TLL2: variants seen among roughly 807,000 people sequenced by gnomAD.
The protein encoded by TLL2 is tolloid like 2, also known as tolloid-like protein 2.
Under a neutral mutation model 123.0 loss-of-function variants are expected in TLL2, and 106 were observed. That is an observed-to-expected ratio of 0.86 (90% CI 0.74 to 1.01). The LOEUF (loss-of-function observed/expected upper bound fraction) is 1.01. TLL2 is among the 50% of genes least tolerant of loss of function. The probability of loss-of-function intolerance (pLI) is 0.00; values close to 1 mark genes in which losing one functional copy is unlikely to be tolerated. For missense variants in TLL2, 1,332 were observed against 1,336.7 expected, an observed-to-expected ratio of 1.00 and a Z score of 0.06; for synonymous variants, 494 against 516.8, an observed-to-expected ratio of 0.96 and a Z score of 0.60.
chr10:96,470,206 T>C (rs991090562), intron 2 of TLL2, among the ~76,000 whole-genome samples: 2 of 152,316 alleles, frequency 1.3e-5, no homozygotes, highest in South Asian at 2.1e-4. Context: ...CCTGCCCAGC[T>C]CCATCCCTGA....
At chr10:96,373,474 C>T (rs1019708552) in intron 19 of TLL2, 122 bp downstream of exon 19, 3 of 902,984 alleles carry the variant, frequency 3.3e-6, no homozygotes, top group African/African-American at 3.3e-5. Flanking sequence ...TTTTATCACG[C>T]ACCTTCCTCC....
chr10:96,369,292 A>G (rs1564891728), intron 20 of TLL2, among the ~76,000 whole-genome samples: 2 of 152,222 alleles, frequency 1.3e-5, no homozygotes, highest in Non-Finnish European at 2.9e-5. Context: ...CAATAGGCCC[A>G]CTAAAGAAAT....
intron 1 of TLL2, among the ~76,000 whole-genome samples, chr10:96,496,306 A>G (rs1847474557): frequency 6.6e-6 from 1 of 152,190 alleles, no homozygotes; most frequent in African/African-American, 2.4e-5. Flanking sequence ...GTTGAGACCT[A>G]TTTGCCACCT....
At chr10:96,486,830 C>T (rs1435774395) in intron 1 of TLL2, among the ~76,000 whole-genome samples, 1 of 152,174 alleles carries the variant, frequency 6.6e-6, no homozygotes, top group African/African-American at 2.4e-5. Flanking sequence ...TCTGCAGCAG[C>T]CCCTTCCCAA....
chr10:96,470,899 C>T (rs779133739), intron 2 of TLL2, among the ~76,000 whole-genome samples: 2 of 152,238 alleles, frequency 1.3e-5, no homozygotes, highest in African/African-American at 2.4e-5. Context: ...CATTCTTTCA[C>T]TGTTACTACT....
intron 16 of TLL2, among the ~76,000 whole-genome samples, chr10:96,384,267 C>T (rs1273361735): frequency 2.0e-5 from 3 of 152,168 alleles, no homozygotes; most frequent in African/African-American, 7.2e-5. Context: ...AGGGATTCTA[C>T]CCTAGAACTT....
chr10:96,420,639 C>G (rs1163583955), intron 7 of TLL2, among the ~76,000 whole-genome samples: 1 of 152,208 alleles, frequency 6.6e-6, no homozygotes, highest in African/African-American at 2.4e-5. Context: ...AGACTCCCCC[C>G]ACCCACTGGA....
chr10:96,387,213 G>C (rs1380429810), intron 13 of TLL2, 135 bp from the exon 14 acceptor site: 6 of 1,281,168 alleles, frequency 4.7e-6, no homozygotes, highest in South Asian at 1.4e-5. Flanking sequence ...ACCTCCCAAA[G>C]AGTGCCATGT....
At chr10:96,413,348 AG>A (rs1300047343) in intron 7 of TLL2, 32 bp from the exon 8 acceptor site, 1 of 1,605,346 alleles carries the variant, frequency 6.2e-7, no homozygotes, top group South Asian at 1.1e-5. Flanking sequence ...GAAAAAGAAA[AG>A]TCAAGGCCAT....
At chr10:96,507,196 T>C (rs1267065193) in intron 1 of TLL2, among the ~76,000 whole-genome samples, 1 of 152,000 alleles carries the variant, frequency 6.6e-6, no homozygotes, top group African/African-American at 2.4e-5. Context: ...TGGCATTGGA[T>C]GGCCACACAC....
chr10:96,424,655 C>G (rs923395344), intron 5 of TLL2, among the ~76,000 whole-genome samples: 12 of 152,018 alleles, frequency 7.9e-5, no homozygotes, highest in African/African-American at 2.2e-4. Flanking sequence ...TTGGGTTGTC[C>G]ATTTTTTTAT....
At chr10:96,496,898 A>G (rs1045301709) in intron 1 of TLL2, among the ~76,000 whole-genome samples, 12 of 152,196 alleles carry the variant, frequency 7.9e-5, no homozygotes, top group Admixed American at 7.2e-4. Context: ...GCCACGATCA[A>G]TTAGTAATAT....
intron 11 of TLL2, 97 bp from the exon 12 acceptor site, chr10:96,396,117 C>G: frequency 7.0e-7 from 1 of 1,435,812 alleles, no homozygotes; most frequent in Non-Finnish European, 9.4e-7. Context: ...CGCTTGCCAC[C>G]ACTAGGTGGC....
At chr10:96,375,640 C>G in intron 18 of TLL2, among the ~76,000 whole-genome samples, 1 of 152,222 alleles carries the variant, frequency 6.6e-6, no homozygotes, top group Non-Finnish European at 1.5e-5. Context: ...AGCATGTGAA[C>G]TGCCCGCTGG....
rs144455801 is a variant in TLL2 at position 96,370,176 on chromosome 10, T to A, written c.2802A>T (p.Thr934=). Reference sequence around the variant, plus strand: ...CCTCCTCAACCTCAAAGGTCCGGAATGTCAGCTCCACGCCGTAGCCGTCCT... The same window carrying A: ...CCTCCTCAACCTCAAAGGTCCGGAAAGTCAGCTCCACGCCGTAGCCGTCCT... ...VAEDGYGVEL[T]FRTFEVEEEA... The change falls in exon 20 of 21, where the codon ACA becomes ACT. Residue 934 remains threonine (T), a synonymous_variant. Coordinates refer to ENST00000357947, the MANE Select transcript of TLL2 (RefSeq NM_012465.4). The A allele has an allele frequency of 1.8e-5, 29 of 1,614,024 alleles. 1 individual carries two copies. The African/African-American group carries it at 3.1e-4, about 17-fold the overall frequency.
At chr10:96,412,612 T>C (rs1192450672) in intron 8 of TLL2, among the ~76,000 whole-genome samples, 1 of 152,162 alleles carries the variant, frequency 6.6e-6, no homozygotes, top group Non-Finnish European at 1.5e-5. Context: ...AATCCCAGTA[T>C]TGTCCCATCT....
rs1846044819 is a variant in TLL2 at position 96,367,977 on chromosome 10, T to A, written c.*111A>T. ...TAAGGCTGGATTCTGAGTTTTTGTT[T>A]GAGAAAAATACTGTACACTGTTTTA... On this transcript the variant is annotated 3_prime_UTR_variant, in exon 21 of 21. Coordinates refer to ENST00000357947, the MANE Select transcript of TLL2 (RefSeq NM_012465.4). 7.4e-7 allele frequency: 1 copy of A among 1,348,080 alleles called. No homozygotes were observed. Among genetic ancestry groups the A allele is most frequent in the Non-Finnish European group, 1.0e-6 (1 of 1,001,174 alleles). The allele number at this position is 1,348,080 out of a possible 1,614,324, so 83.5% of individuals were successfully genotyped here.
chr10:96,470,778 C>A (rs984938580), intron 2 of TLL2, among the ~76,000 whole-genome samples: 18 of 152,194 alleles, frequency 1.2e-4, no homozygotes, highest in Admixed American at 3.9e-4. Flanking sequence ...CATTTCCACA[C>A]CTACACGTAC....
At position 96,401,526 on chromosome 10, in the gene TLL2, G is replaced by GCACA. The variant is rs71486795; in HGVS notation, c.1267+3702_1267+3705dup. Among the ~76,000 whole-genome samples, 557 of 137,160 alleles carry GCACA rather than the reference G, an allele frequency of 4.1e-3. 5 individuals carry two copies. The highest frequency in any genetic ancestry group is 0.015 in the African/African-American group (523 of 35,876). 90.0% of individuals were successfully genotyped at this position (137,160 alleles called of 152,430 possible). A position where few individuals can be genotyped will look rare whatever the true frequency, so the allele number is the denominator to read the frequency against. On this transcript the variant is annotated intron_variant, in intron 10 of 20. Transcript: ENST00000357947. ...TCTACACACACACACACACACACAC[G>GCACA]CACACACACAGTTAAAGTGGGTAAA... is the stretch of plus-strand genomic sequence containing the variant.
Sources: gnomAD v4.1 joint callset for allele counts (sites outside exome capture counted in the v4.1 genomes callset) on GRCh38, gnomAD v4.1.1 for gene constraint, MANE v1.5 for transcripts, NCBI Gene and HGNC (gene_info 2026-07-23, HGNC 2026-07-21) for gene names.